The following RGS3 variants were observed in gnomAD, a reference collection of about 807,000 sequenced individuals.
The protein encoded by RGS3 is regulator of G protein signaling 3.
RGS3 carries 80 observed loss-of-function variants against 132.6 expected under a neutral mutation model. That is an observed-to-expected ratio of 0.60 (90% CI 0.50 to 0.73). The LOEUF (loss-of-function observed/expected upper bound fraction) is 0.73, where lower values mean the gene tolerates loss of function less well. Ranked by LOEUF, RGS3 falls within the 30% of genes least tolerant of loss-of-function variation. RGS3 has a pLI of 0.00. For missense variants in RGS3, 1,382 were observed against 1,530.8 expected (o/e 0.90, Z 1.62); for synonymous variants, 598 against 620.6 (o/e 0.96, Z 0.54).
At chr9:113,568,420 A>G (rs1834104915) in intron 19 of RGS3, among the ~76,000 whole-genome samples, 1 of 152,234 alleles carries the variant, frequency 6.6e-6, no homozygotes, top group African/African-American at 2.4e-5. Flanking sequence ...TCAGGCAAAT[A>G]TGCCTTGTTT....
Position 113,507,777 on chromosome 9 carries a change from C to T in RGS3, c.1437+139C>T, listed in dbSNP as rs1329393707. ...GGCAAGGAGATGGGGTATGTGCTAG[C>T]TCTGCCTTCTGCAAGGCTGTTCTTG... On this transcript the variant is annotated intron_variant, in intron 13 of 24. Coordinates refer to ENST00000350696, the Ensembl canonical transcript of RGS3. The surrounding 1 kb of genome is among the most constrained non-coding windows in gnomAD (Gnocchi z 5.0). The T allele has an allele frequency of 1.5e-6, 1 of 660,358 alleles. No individual in the cohort carries two copies. Among genetic ancestry groups the T allele is most frequent in the East Asian group, 2.9e-5 (1 of 34,592 alleles). The allele number at this position is 660,358 out of a possible 1,614,324, so 40.9% of individuals were successfully genotyped here. A position where few individuals can be genotyped will look rare whatever the true frequency, so the allele number is the denominator to read the frequency against.
rs370271355 is a variant in RGS3, at chr9:113,594,497, G to A, written c.3148G>A (p.Ala1050Thr). The stretch of plus-strand genomic sequence containing the variant: ...GAATGAGTCCCCTGGAGCCCCTCCC[G>A]CGGGCAAGGCAGACAAAATGATGAA... Residue 1050 changes from alanine (A) to threonine (T), a missense_variant, in exon 22 of 25, where the codon GCG becomes ACG. Coordinates refer to ENST00000350696, the Ensembl canonical transcript of RGS3. The A allele has an allele frequency of 2.0e-4, 315 of 1,613,694 alleles. No individual in the cohort carries two copies. The highest frequency in any genetic ancestry group is 2.4e-4 in the South Asian group (22 of 91,074).
chr9:113,514,679 GTTCCC>G, intron 15 of RGS3, 25 bp downstream of exon 13: 1 of 1,609,516 alleles, frequency 6.2e-7, no homozygotes, highest in South Asian at 1.1e-5. Context: ...GGTCTTAAAG[GTTCCC>G]TCAGGAGGAA....
intron 7 of RGS3, 31 bp downstream of exon 5, chr9:113,485,724 T>C: frequency 6.5e-7 from 1 of 1,536,904 alleles, no homozygotes; most frequent in Non-Finnish European, 8.9e-7. Context: ...GGAGGGGGAC[T>C]CTGCTCTGGG....
At chr9:113,518,264 TG>T (rs1588190943) in intron 16 of RGS3, among the ~76,000 whole-genome samples, 1 of 152,346 alleles carries the variant, frequency 6.6e-6, no homozygotes, top group East Asian at 1.9e-4. Context: ...CCTGGCTACC[TG>T]GGGCCATGGG....
At chr9:113,549,774 A>T (rs1210972806) in intron 19 of RGS3, among the ~76,000 whole-genome samples, 1 of 152,216 alleles carries the variant, frequency 6.6e-6, no homozygotes, top group Non-Finnish European at 1.5e-5. Context: ...CATCATTTTC[A>T]GTGCCTGTGG....
intron 19 of RGS3, among the ~76,000 whole-genome samples, chr9:113,553,124 A>G (rs1833407489): frequency 1.3e-5 from 2 of 152,020 alleles, no homozygotes; most frequent in Admixed American, 1.3e-4. Flanking sequence ...ATATCATATT[A>G]TACATACATT....
intron 10 of RGS3, chr9:113,501,685 A>T: frequency 6.7e-7 from 1 of 1,499,180 alleles, no homozygotes; most frequent in Non-Finnish European, 9.0e-7. Flanking sequence ...ATAGGGGTAG[A>T]GGGACCATCT....
intron 10 of RGS3, among the ~76,000 whole-genome samples, chr9:113,502,582 C>G (rs1206421334): frequency 6.6e-6 from 1 of 152,256 alleles, no homozygotes; most frequent in South Asian, 2.1e-4. Flanking sequence ...AAAGCAGCCC[C>G]TGCGACACTA....
At chr9:113,484,801 T>G (rs1338069344) in intron 6 of RGS3, among the ~76,000 whole-genome samples, 1 of 152,220 alleles carries the variant, frequency 6.6e-6, no homozygotes, top group Non-Finnish European at 1.5e-5. Context: ...GGGAAGGTAA[T>G]GTACATTTTG....
At chr9:113,462,142 A>T in exon 3 of RGS3, 2 of 1,614,106 alleles carry the variant, frequency 1.2e-6, no homozygotes, top group Non-Finnish European at 1.7e-6. Context: ...AGAAGAGATG[A>T]GTGGACTCAA....
At position 113,447,329 on chromosome 9, in the gene RGS3, G is replaced by GTGTGTATATATATATA. The variant is rs1554751009; in HGVS notation, c.-13+2403_-13+2404insGTGTATATATATATAT. Among the ~76,000 whole-genome samples the GTGTGTATATATATATA allele has an allele frequency of 1.3e-3, 37 of 27,550 alleles. 1 individual carries two copies. The highest frequency in any genetic ancestry group is 2.4e-3 in the African/African-American group (24 of 10,202). The allele number at this position is 27,550 out of a possible 152,430, so 18.1% of individuals were successfully genotyped here. On this transcript the variant is annotated intron_variant, in intron 1 of 25. Coordinates refer to the RGS3 transcript ENST00000374140. ...CCAATAAATTCTGATGTATGTATAT[G>GTGTGTATATATATATA]TATATATATATATATATATATATAT...
rs181624870 is a variant in RGS3, at chr9:113,591,514, C to T, written c.3080+117C>T. ...GTTGTGCCTGGTCCCGCCCACAACC[C>T]CAGACAGACACCAAGGAAAAACTGG... On this transcript the variant is annotated intron_variant, in intron 21 of 24. Coordinates refer to ENST00000350696, the Ensembl canonical transcript of RGS3. The surrounding 1 kb of genome is among the most constrained non-coding windows in gnomAD (Gnocchi z 4.4). The T allele has an allele frequency of 2.3e-6, 2 of 876,792 alleles. No homozygotes were observed. Among genetic ancestry groups the T allele is most frequent in the East Asian group, 5.0e-5 (2 of 39,792 alleles). The allele number at this position is 876,792 out of a possible 1,614,324, so 54.3% of individuals were successfully genotyped here. A position where few individuals can be genotyped will look rare whatever the true frequency, so the allele number is the denominator to read the frequency against.
intron 14 of RGS3, among the ~76,000 whole-genome samples, chr9:113,510,437 C>T (rs1232659523): frequency 6.6e-6 from 1 of 152,168 alleles, no homozygotes; most frequent in African/African-American, 2.4e-5. Flanking sequence ...CAGGGCCTGG[C>T]GGATGGCAGA....
chr9:113,468,139 C>G (rs902529328), intron 3 of RGS3, among the ~76,000 whole-genome samples: 1 of 152,132 alleles, frequency 6.6e-6, no homozygotes, highest in African/African-American at 2.4e-5. Flanking sequence ...TGTCAGTTAC[C>G]AAGAGATTTA....
chr9:113,580,217 G>A (rs1002030669), intron 19 of RGS3, among the ~76,000 whole-genome samples: 5 of 152,240 alleles, frequency 3.3e-5, no homozygotes, highest in African/African-American at 1.2e-4. Context: ...GGGGCCTCAG[G>A]CAGCACTCCA....
At chr9:113,503,053 G>A (rs148506882) in intron 10 of RGS3, among the ~76,000 whole-genome samples, 14 of 152,312 alleles carry the variant, frequency 9.2e-5, no homozygotes, top group African/African-American at 3.4e-4. Flanking sequence ...GCAGGACAGA[G>A]GAACAGAAAC....
intron 6 of RGS3, 34 bp downstream of exon 4, chr9:113,484,266 A>G (rs748026899): frequency 6.6e-6 from 7 of 1,056,338 alleles, no homozygotes; most frequent in Non-Finnish European, 9.7e-6. Context: ...CCTAGAAAGG[A>G]GAGGGAAGGA....
intron 17 of RGS3, among the ~76,000 whole-genome samples, chr9:113,524,589 G>A (rs1832114583): frequency 6.6e-6 from 1 of 152,228 alleles, no homozygotes; most frequent in African/African-American, 2.4e-5. Context: ...GAGGAGCTGA[G>A]GGCAGTGGCT....
Sources: allele counts gnomAD v4.1 joint callset (sites outside exome capture counted in the v4.1 genomes callset), GRCh38; gene constraint gnomAD v4.1.1; non-coding constraint Gnocchi (gnomAD v3.1); transcripts MANE v1.5; gene names NCBI Gene and HGNC (gene_info 2026-07-23, HGNC 2026-07-21).